PHC2: variants seen among roughly 807,000 people sequenced by gnomAD.
PHC2 encodes polyhomeotic homolog 2.
Under a neutral mutation model 87.4 loss-of-function variants are expected in PHC2, and 29 were observed. That is an observed-to-expected ratio of 0.33 (90% CI 0.25 to 0.45). The LOEUF is 0.45. PHC2 is among the 20% of genes least tolerant of loss of function. PHC2 has a pLI of 1.00. For synonymous variants in PHC2, 438 were observed against 461.7 expected (o/e 0.95, Z 0.66); for missense variants, 857 against 1,136.7 (o/e 0.75, Z 3.54).
chr1:33,332,197 A>T lies in PHC2; in HGVS notation c.1891+78T>A. ...GCTGGCTCAGGGTTCCTCTGGGGAAACAGAGAGAGGAAGTGTGTGAGGCCT... is the reference window on the plus strand; with the variant it reads ...GCTGGCTCAGGGTTCCTCTGGGGAATCAGAGAGAGGAAGTGTGTGAGGCCT... On this transcript the variant is annotated intron_variant, in intron 11 of 14. Transcript: ENST00000683057. This position sits in a 1 kb window ranked among gnomAD's most constrained non-coding sequence, Gnocchi z 4.2. The T allele has an allele frequency of 6.5e-7, 1 of 1,542,288 alleles. No homozygotes were observed. Among genetic ancestry groups the T allele is most frequent in the Non-Finnish European group, 8.9e-7 (1 of 1,117,844 alleles).
Position 33,383,201 on chromosome 1 carries a change from A to G in PHC2, c.-54-7608T>C, listed in dbSNP as rs148442879. ...TACACCTCTCGGCTGCTGCATGAAC[A>G]TAAGTGTCCTGATTTGTTCCAGTCT... On this transcript the variant is annotated intron_variant, in intron 1 of 14. Transcript: ENST00000683057. Among the ~76,000 whole-genome samples, 337 of 152,310 alleles carry G rather than the reference A, an allele frequency of 2.2e-3. 1 individual carries two copies. Among genetic ancestry groups the G allele is most frequent in the Non-Finnish European group, 2.5e-3 (173 of 68,024 alleles).
At chr1:33,370,325 G>T in intron 5 of PHC2, 96 bp downstream of exon 5, 3 of 1,210,808 alleles carry the variant, frequency 2.5e-6, no homozygotes, top group Non-Finnish European at 3.5e-6. Context: ...TGCCCCTAGT[G>T]CTTCCTCCCC....
chr1:33,402,484 T>C (rs772370660), intron 1 of PHC2, among the ~76,000 whole-genome samples: 1 of 152,146 alleles, frequency 6.6e-6, no homozygotes, highest in Non-Finnish European at 1.5e-5. Flanking sequence ...TAAGGTGACA[T>C]GATAATGATG....
At position 33,328,904 on chromosome 1, in the gene PHC2, T is replaced by C; in HGVS notation, c.2391A>G (p.Val797=). The C allele has an allele frequency of 1.9e-6, 3 of 1,613,328 alleles. No individual in the cohort carries two copies. Among genetic ancestry groups the C allele is most frequent in the East Asian group, 2.2e-5 (1 of 44,884 alleles). The change falls in exon 14 of 15, where the codon GTA becomes GTG. Residue 797 remains valine (V), a synonymous_variant. Coordinates refer to ENST00000683057, the MANE Select transcript of PHC2 (RefSeq NM_001385109.1). The part of the protein sequence containing the change: ...FLPSEPTKWN[V]EDVYEFIRSL... ...AGCGGATGAATTCGTAGACGTCTTC[T>C]ACATTCCACTTGGTGGGCTCACTTG...
chr1:33,342,825 C>G (rs550544636), intron 9 of PHC2, among the ~76,000 whole-genome samples: 1 of 152,302 alleles, frequency 6.6e-6, no homozygotes, highest in Admixed American at 6.5e-5. Context: ...TCATAGTGCT[C>G]CGGCCCATGC....
intron 9 of PHC2, chr1:33,347,825 CCTT>C (rs1646873521): frequency 1.3e-6 from 1 of 758,272 alleles, no homozygotes. Flanking sequence ...ATCTGCCCGA[CCTT>C]CTGCGAAACA....
At chr1:33,430,274 A>C (rs1650851083) in intron 1 of PHC2, among the ~76,000 whole-genome samples, 1 of 152,190 alleles carries the variant, frequency 6.6e-6, no homozygotes, top group Admixed American at 6.5e-5. Flanking sequence ...CTCAGCACAG[A>C]AAACAAGGGA....
chr1:33,412,688 CT>C (rs1226552765), intron 1 of PHC2, among the ~76,000 whole-genome samples: 1 of 152,210 alleles, frequency 6.6e-6, no homozygotes, highest in Non-Finnish European at 1.5e-5. Context: ...GTGGCAAATT[CT>C]CAAGTTCGGT....
chr1:33,375,296 C>T (rs1221486875), intron 2 of PHC2, 70 bp downstream of exon 2: 3 of 1,309,992 alleles, frequency 2.3e-6, no homozygotes, highest in East Asian at 2.6e-5. Context: ...CCAGACCATG[C>T]CAACACCTCC....
intron 2 of PHC2, among the ~76,000 whole-genome samples, chr1:33,373,557 C>G (rs537745928): frequency 9.9e-5 from 15 of 152,106 alleles, no homozygotes; most frequent in African/African-American, 3.6e-4. Context: ...AAAAGGCTGT[C>G]CTTTGATCCT....
rs754522484 is a variant in PHC2 at position 33,331,513 on chromosome 1, C to T, written c.1892-51G>A. ...TGGAGAATGAGAAATTCCTGCAGGACTGTGGCCAGCCCCACCACGGGGCCT... is the reference window on the plus strand; with the variant it reads ...TGGAGAATGAGAAATTCCTGCAGGATTGTGGCCAGCCCCACCACGGGGCCT... On this transcript the variant is annotated intron_variant, in intron 11 of 14. Transcript: ENST00000683057. The surrounding 1 kb of genome is among the most constrained non-coding windows in gnomAD (Gnocchi z 5.2). 1 of 1,113,658 alleles carries T rather than the reference C, an allele frequency of 9.0e-7. No individual in the cohort carries two copies. The highest frequency in any genetic ancestry group is 2.4e-5 in the East Asian group (1 of 42,220). The allele number at this position is 1,113,658 out of a possible 1,614,324, so 69.0% of individuals were successfully genotyped here.
Position 33,349,631 on chromosome 1 carries a change from G to C in PHC2, c.1558+4770C>G. 2.0e-6 allele frequency: 2 copies of C among 983,540 alleles called. No homozygotes were observed. The highest frequency in any genetic ancestry group is 3.5e-5 in the African/African-American group (2 of 57,054). The allele number at this position is 983,540 out of a possible 1,614,324, so 60.9% of individuals were successfully genotyped here. A position where few individuals can be genotyped will look rare whatever the true frequency, so the allele number is the denominator to read the frequency against. The stretch of plus-strand genomic sequence containing the variant: ...GCCCGGCTGGGCCTGGCCGGGCGGG[G>C]CCTACGCAGCCCCTCGGCCGGGCGC... On this transcript the variant is annotated intron_variant, in intron 9 of 14. Coordinates refer to ENST00000683057, the MANE Select transcript of PHC2 (RefSeq NM_001385109.1). The surrounding 1 kb of genome is among the most constrained non-coding windows in gnomAD (Gnocchi z 4.2).
At chr1:33,357,153 C>G (rs897907583) in intron 7 of PHC2, among the ~76,000 whole-genome samples, 1 of 152,172 alleles carries the variant, frequency 6.6e-6, no homozygotes, top group African/African-American at 2.4e-5. Context: ...GGAGAGCTAG[C>G]CAAGTGCATG....
intron 2 of PHC2, among the ~76,000 whole-genome samples, chr1:33,374,272 C>T (rs898080064): frequency 1.3e-5 from 2 of 152,066 alleles, no homozygotes; most frequent in African/African-American, 2.4e-5. Context: ...TGATTCCACT[C>T]GCCAGAACAG....
At chr1:33,353,759 G>C (rs1435491324) in intron 9 of PHC2, among the ~76,000 whole-genome samples, 1 of 152,212 alleles carries the variant, frequency 6.6e-6, no homozygotes, top group Non-Finnish European at 1.5e-5. Context: ...AACTGGCAGA[G>C]AGGGGAAGGG....
chr1:33,378,836 A>G (rs1648312257), intron 1 of PHC2, among the ~76,000 whole-genome samples: 1 of 152,014 alleles, frequency 6.6e-6, no homozygotes, highest in Non-Finnish European at 1.5e-5. Flanking sequence ...TTGTCATCCC[A>G]TCACAGACAT....
At position 33,324,399 on chromosome 1, in the gene PHC2, T is replaced by C; in HGVS notation, c.*466A>G. ...AACCCTGGCTGCTGCAGAAACAGGC[T>C]GAAGGGGGAGAAGCTGACAACGGAA... On this transcript the variant is annotated 3_prime_UTR_variant, in exon 15 of 15. Transcript: ENST00000683057. The C allele has an allele frequency of 6.5e-6, 1 of 153,600 alleles. No individual in the cohort carries two copies. Among genetic ancestry groups the C allele is most frequent in the Non-Finnish European group, 1.5e-5 (1 of 68,736 alleles). The allele number at this position is 153,600 out of a possible 1,614,324, so 9.5% of individuals were successfully genotyped here. A position where few individuals can be genotyped will look rare whatever the true frequency, so the allele number is the denominator to read the frequency against.
chr1:33,371,150 G>A (rs1219624117), intron 3 of PHC2, 56 bp from the exon 4 acceptor site: 2 of 1,427,196 alleles, frequency 1.4e-6, no homozygotes, highest in African/African-American at 1.4e-5. Flanking sequence ...AGTCACTCCT[G>A]GGCTCTCATC....
chr1:33,393,666 C>A (rs115126612), intron 1 of PHC2, among the ~76,000 whole-genome samples: 471 of 19,272 alleles, frequency 0.024, 1 homozygote, highest in African/African-American at 0.18. Context: ...GTTGATTTTG[C>A]TGTCATTGTT....
Sources: gnomAD v4.1 joint callset for allele counts (sites outside exome capture counted in the v4.1 genomes callset) on GRCh38, gnomAD v4.1.1 for gene constraint, Gnocchi (gnomAD v3.1) non-coding constraint, MANE v1.5 for transcripts, NCBI Gene and HGNC (gene_info 2026-07-23, HGNC 2026-07-21) for gene names.